PRKAR1A: variants seen among roughly 807,000 people sequenced by gnomAD.
The protein encoded by PRKAR1A is cAMP-dependent protein kinase type I-alpha regulatory subunit.
PRKAR1A carries 3 observed loss-of-function variants against 52.0 expected under a neutral mutation model. The ratio of observed to expected loss-of-function variants is 0.06; its 90% CI spans 0.03 to 0.15. The LOEUF (loss-of-function observed/expected upper bound fraction) is 0.15. Among genes scored for constraint, PRKAR1A ranks in the 10% least tolerant of loss-of-function variants. The pLI is 1.00. For missense variants in PRKAR1A, 240 were observed against 477.4 expected, an observed-to-expected ratio of 0.50 and a Z score of 4.63; for synonymous variants, 188 against 168.4, an observed-to-expected ratio of 1.12 and a Z score of -0.90.
chr17:68,427,738 A>C, the PRKAR1A span, among the ~76,000 whole-genome samples: 1 of 152,234 alleles, frequency 6.6e-6, no homozygotes, highest in Admixed American at 6.5e-5. Context: ...CTAGACAAAG[A>C]TTAGTCCTCT....
chr17:68,450,868 G>T, the PRKAR1A span: 1 of 1,613,680 alleles, frequency 6.2e-7, no homozygotes, highest in South Asian at 1.1e-5. Context: ...GAGAAGAGGC[G>T]CTCCACGATG....
At position 68,531,777 on chromosome 17, in the gene PRKAR1A, A is replaced by C; in HGVS notation, c.*1328A>C. The C allele has an allele frequency of 9.6e-7, 1 of 1,039,080 alleles. No individual in the cohort carries two copies. The highest frequency in any genetic ancestry group is 1.2e-6 in the Non-Finnish European group (1 of 855,032). 64.4% of individuals were successfully genotyped at this position (1,039,080 alleles called of 1,614,324 possible). The stretch of plus-strand genomic sequence containing the variant: ...CTGTATTTCAGTATTTTCCAGCCTT[A>C]TGTGTTACATTATTCCAATGATACC... On this transcript the variant is annotated 3_prime_UTR_variant, in exon 11 of 11. Coordinates refer to ENST00000589228, the MANE Select transcript of PRKAR1A (RefSeq NM_002734.5).
At chr17:68,454,891 TGA>T in the PRKAR1A span, among the ~76,000 whole-genome samples, 1 of 86,370 alleles carries the variant, frequency 1.2e-5, no homozygotes, top group Non-Finnish European at 2.9e-5. Flanking sequence ...AATCACAGAG[TGA>T]TGTTTTATGT....
chr17:68,524,821 C>A, intron 5 of PRKAR1A, 91 bp from the exon 6 acceptor site: 1 of 960,774 alleles, frequency 1.0e-6, no homozygotes, highest in Non-Finnish European at 1.7e-6. Flanking sequence ...CTCACAGTAC[C>A]ACTGTAAAAT....
the PRKAR1A span, among the ~76,000 whole-genome samples, chr17:68,432,791 C>A: frequency 6.6e-6 from 1 of 152,162 alleles, no homozygotes; most frequent in Non-Finnish European, 1.5e-5. Context: ...AGCGCTCTTT[C>A]TCTAGAATCC....
At chr17:68,529,655 G>C (rs1015974157) in intron 9 of PRKAR1A, among the ~76,000 whole-genome samples, 1 of 152,236 alleles carries the variant, frequency 6.6e-6, no homozygotes, top group African/African-American at 2.4e-5. Flanking sequence ...TTGCGAAAGA[G>C]ACAGTGAGCT....
the PRKAR1A span, chr17:68,435,710 T>C: frequency 6.2e-7 from 1 of 1,614,136 alleles, no homozygotes. Context: ...TGCAGACTGT[T>C]TTCTGTTGGT....
the PRKAR1A span, among the ~76,000 whole-genome samples, chr17:68,463,207 A>T: frequency 6.6e-6 from 1 of 151,706 alleles, no homozygotes; most frequent in Non-Finnish European, 1.5e-5. Flanking sequence ...GGTTGGGGGG[A>T]CACCTCAGGA....
chr17:68,547,964 C>A (rs1040117918), intron 11 of PRKAR1A, among the ~76,000 whole-genome samples: 6 of 152,336 alleles, frequency 3.9e-5, no homozygotes, highest in Admixed American at 3.9e-4. Context: ...ATATGACACT[C>A]CTCCTTTCAT....
chr17:68,437,001 A>ATATATATAT, the PRKAR1A span, among the ~76,000 whole-genome samples: 21 of 51,498 alleles, frequency 4.1e-4, no homozygotes, highest in Admixed American at 4.1e-3. Context: ...CTCAAAAAAA[A>ATATATATAT]AAAAATATAT....
the PRKAR1A span, among the ~76,000 whole-genome samples, chr17:68,462,430 G>T: frequency 1.3e-5 from 2 of 152,192 alleles, no homozygotes; most frequent in African/African-American, 4.8e-5. Flanking sequence ...GGGTTCAGCA[G>T]GTCAGCCAAT....
chr17:68,439,401 C>A, the PRKAR1A span, among the ~76,000 whole-genome samples: 1 of 152,094 alleles, frequency 6.6e-6, no homozygotes, highest in Non-Finnish European at 1.5e-5. Flanking sequence ...GTATGAGTCT[C>A]CTGATATAAA....
chr17:68,499,507 G>C, the PRKAR1A span, among the ~76,000 whole-genome samples: 1 of 152,166 alleles, frequency 6.6e-6, no homozygotes, highest in Non-Finnish European at 1.5e-5. Context: ...CTAGGAGCAG[G>C]CAGGGCTGGG....
chr17:68,496,498 T>G, the PRKAR1A span, among the ~76,000 whole-genome samples: 59 of 152,320 alleles, frequency 3.9e-4, no homozygotes, highest in African/African-American at 1.3e-3. Flanking sequence ...TATTTTAAGA[T>G]CATCTGATTA....
At chr17:68,483,622 G>A in the PRKAR1A span, among the ~76,000 whole-genome samples, 1 of 152,164 alleles carries the variant, frequency 6.6e-6, no homozygotes, top group Non-Finnish European at 1.5e-5. Flanking sequence ...AGCACTTTGG[G>A]AGGCCAAGGC....
At chr17:68,430,204 C>T in the PRKAR1A span, 5 of 1,557,450 alleles carry the variant, frequency 3.2e-6, no homozygotes, top group Non-Finnish European at 4.3e-6. Context: ...GGCTGCAGGC[C>T]CCACACGCAC....
At chr17:68,493,611 T>TG in the PRKAR1A span, 1 of 151,822 alleles carries the variant, frequency 6.6e-6, no homozygotes, top group African/African-American at 2.4e-5. Context: ...TTTTTTTTTT[T>TG]GAGACAGAGT....
chr17:68,428,257 G>T, the PRKAR1A span: 5 of 151,086 alleles, frequency 3.3e-5, no homozygotes, highest in Non-Finnish European at 7.3e-5. Context: ...TTGAGACAGG[G>T]TCTCACTCTG....
At chr17:68,466,643 C>G in the PRKAR1A span, among the ~76,000 whole-genome samples, 1 of 151,908 alleles carries the variant, frequency 6.6e-6, no homozygotes, top group African/African-American at 2.4e-5. Context: ...ATCTCCTGGC[C>G]TCAAGTGATC....
Sources: allele counts gnomAD v4.1 joint callset (sites outside exome capture counted in the v4.1 genomes callset), GRCh38; gene constraint gnomAD v4.1.1; transcripts MANE v1.5; gene names NCBI Gene and HGNC (gene_info 2026-07-23, HGNC 2026-07-21).